CELF2: variants seen among roughly 807,000 people sequenced by gnomAD.
CELF2 encodes CUGBP Elav-like family member 2, also known as CUG triplet repeat RNA-binding protein 2.
A neutral mutation model predicts 62.6 loss-of-function variants in CELF2; 8 were observed. The ratio of observed to expected loss-of-function variants is 0.13; its 90% CI spans 0.07 to 0.23. The LOEUF is 0.23. Among genes scored for constraint, CELF2 ranks in the 10% least tolerant of loss-of-function variants. The pLI, the probability that CELF2 is intolerant of heterozygous loss-of-function variation, is 1.00. For missense variants in CELF2, 333 were observed against 671.0 expected, an observed-to-expected ratio of 0.50 and a Z score of 5.56; for synonymous variants, 258 against 250.0, an observed-to-expected ratio of 1.03 and a Z score of -0.30.
rs1288046197 is a variant in CELF2, at chr10:11,260,790, C to CT, written c.538+2924dup. The stretch of plus-strand genomic sequence containing the variant: ...TGAGAACTGAAGACAGACAGTGGTA[C>CT]TTTTTTCAATTCGCAGGACCCAGGG... On this transcript the variant is annotated intron_variant, in intron 5 of 12. Transcript: ENST00000633077. The surrounding 1 kb of genome is among the most constrained non-coding windows in gnomAD (Gnocchi z 4.2). Among the ~76,000 whole-genome samples the CT allele has an allele frequency of 6.6e-6, 1 of 152,132 alleles. No homozygotes were observed. Among genetic ancestry groups the CT allele is most frequent in the Non-Finnish European group, 1.5e-5 (1 of 68,024 alleles).
the CELF2 span, among the ~76,000 whole-genome samples, chr10:10,765,794 C>T: frequency 2.3e-4 from 35 of 152,308 alleles, no homozygotes; most frequent in African/African-American, 7.9e-4. Context: ...TCCATGAGGA[C>T]TGAGTGTCTT....
intron 1 of CELF2, among the ~76,000 whole-genome samples, chr10:10,838,648 G>T (rs2058465042): frequency 6.6e-6 from 1 of 151,972 alleles, no homozygotes; most frequent in African/African-American, 2.4e-5. Flanking sequence ...TGCTTGAATT[G>T]TTCTGTCCTT....
intron 1 of CELF2, among the ~76,000 whole-genome samples, chr10:11,020,600 G>T (rs1321407565): frequency 6.6e-6 from 1 of 152,182 alleles, no homozygotes; most frequent in Admixed American, 6.5e-5. Context: ...CTAGATATTG[G>T]CCTGTTCCTA....
the CELF2 span, among the ~76,000 whole-genome samples, chr10:10,532,632 C>G: frequency 1.1e-4 from 17 of 152,182 alleles, no homozygotes; most frequent in Non-Finnish European, 2.1e-4. Context: ...GTCTTAATAT[C>G]TAAATAGGAT....
chr10:10,699,975 G>C, the CELF2 span, among the ~76,000 whole-genome samples: 1 of 152,122 alleles, frequency 6.6e-6, no homozygotes, highest in Non-Finnish European at 1.5e-5. Context: ...CTGAAATGCT[G>C]ATATTTCAGT....
the CELF2 span, among the ~76,000 whole-genome samples, chr10:10,589,309 A>G: frequency 5.3e-5 from 8 of 152,226 alleles, no homozygotes; most frequent in Non-Finnish European, 1.0e-4. Context: ...GAAGCTTCCC[A>G]CTTAAGAGAC....
At chr10:11,303,275 C>G (rs929086737) in intron 9 of CELF2, among the ~76,000 whole-genome samples, 1 of 152,168 alleles carries the variant, frequency 6.6e-6, no homozygotes, top group Non-Finnish European at 1.5e-5. Context: ...AGCTCACTCT[C>G]TTTCAACTCA....
At chr10:11,284,092 GGGTGGATGATGGATGACTGTGTGGTA>G in intron 8 of CELF2, among the ~76,000 whole-genome samples, 1 of 146,960 alleles carries the variant, frequency 6.8e-6, no homozygotes, top group Non-Finnish European at 1.5e-5. Flanking sequence ...ATGGAGGAGT[GGGTGGATGATGGATGACTGTGTGGTA>G]GGTGGATGAT....
chr10:11,287,352 A>G (rs561551687), intron 8 of CELF2, among the ~76,000 whole-genome samples: 7 of 152,252 alleles, frequency 4.6e-5, no homozygotes, highest in Admixed American at 1.3e-4. Flanking sequence ...CCATTCAGAG[A>G]ACCTTTGGAC....
the CELF2 span, among the ~76,000 whole-genome samples, chr10:10,623,085 C>CAAAAAAAAAAAAAAAAA: frequency 1.2e-4 from 7 of 57,224 alleles, 1 homozygote; most frequent in East Asian, 1.0e-3. Flanking sequence ...GACTCCGTCT[C>CAAAAAAAAAAAAAAAAA]AAAAAAAAAA....
At chr10:11,181,404 A>G (rs2073330565) in intron 2 of CELF2, among the ~76,000 whole-genome samples, 1 of 152,202 alleles carries the variant, frequency 6.6e-6, no homozygotes, top group African/African-American at 2.4e-5. Flanking sequence ...GTGGTAACCA[A>G]TAGGTGCTTA....
chr10:10,471,387 C>T, the CELF2 span, among the ~76,000 whole-genome samples: 3 of 151,626 alleles, frequency 2.0e-5, no homozygotes, highest in African/African-American at 7.3e-5. Context: ...TAAGTTCTCT[C>T]AGATTTTGTT....
At chr10:11,239,849 T>C (rs913561503) in intron 3 of CELF2, among the ~76,000 whole-genome samples, 6 of 151,970 alleles carry the variant, frequency 3.9e-5, no homozygotes, top group African/African-American at 1.5e-4. Flanking sequence ...ATCTTAGGAG[T>C]TTGAGACCAA....
chr10:11,163,370 A>G (rs7909459), intron 1 of CELF2, among the ~76,000 whole-genome samples: 1,807 of 152,284 alleles, frequency 0.012, 31 homozygotes, highest in African/African-American at 0.041. Context: ...TGTCCCAGAA[A>G]TAAGTCTTGC....
At position 10,943,762 on chromosome 10, in the gene CELF2, C is replaced by CT. The variant is rs200013481; in HGVS notation, c.89+23772dup. On this transcript the variant is annotated intron_variant, in intron 2 of 13. Coordinates refer to the CELF2 transcript ENST00000636488. ...TATAGGCACACACCACTACTCCCAG[C>CT]TTTTTTTTTGTTTTGTTTTTGGAGA... Among the ~76,000 whole-genome samples, 37 of 126,528 alleles carry CT rather than the reference C, an allele frequency of 2.9e-4. 2 individuals carry two copies. Among genetic ancestry groups the CT allele is most frequent in the East Asian group, 2.0e-3 (4 of 2,022 alleles). 83.0% of individuals were successfully genotyped at this position (126,528 alleles called of 152,430 possible).
At chr10:10,521,135 T>C in the CELF2 span, among the ~76,000 whole-genome samples, 1 of 152,154 alleles carries the variant, frequency 6.6e-6, no homozygotes, top group East Asian at 1.9e-4. Context: ...GTGTTGACCA[T>C]CAGAGAAGCA....
chr10:10,984,393 T>C (rs1251662203), intron 2 of CELF2, among the ~76,000 whole-genome samples: 1 of 152,236 alleles, frequency 6.6e-6, no homozygotes, highest in Non-Finnish European at 1.5e-5. Flanking sequence ...ACTTGGCTTA[T>C]TTAACAATCT....
intron 3 of CELF2, among the ~76,000 whole-genome samples, chr10:11,228,718 C>CAAAAAAAAAA (rs56167230): frequency 1.5e-5 from 2 of 135,174 alleles, no homozygotes; most frequent in African/African-American, 5.7e-5. Context: ...GCGCCCCTCG[C>CAAAAAAAAAA]AAAAAAAAAA....
At chr10:10,667,237 A>G in the CELF2 span, among the ~76,000 whole-genome samples, 1 of 152,204 alleles carries the variant, frequency 6.6e-6, no homozygotes, top group African/African-American at 2.4e-5. Flanking sequence ...TTTTGTTTTA[A>G]TTATGCAACA....
Sources: allele counts gnomAD v4.1 joint callset (sites outside exome capture counted in the v4.1 genomes callset), GRCh38; gene constraint gnomAD v4.1.1; non-coding constraint Gnocchi (gnomAD v3.1); transcripts MANE v1.5; gene names NCBI Gene and HGNC (gene_info 2026-07-23, HGNC 2026-07-21).